The following GRB10 variants were observed in gnomAD, a reference collection of about 807,000 sequenced individuals.
GRB10 encodes the protein growth factor receptor-bound protein 10.
In GRB10, 20 loss-of-function variants were observed where a neutral mutation model predicts 80.9. The observed-to-expected ratio is 0.25, with a 90% CI of 0.17 to 0.36. The LOEUF is 0.36. Among genes scored for constraint, GRB10 ranks in the 10% least tolerant of loss-of-function variants. The probability of loss-of-function intolerance (pLI) is 1.00; values close to 1 mark genes in which losing one functional copy is unlikely to be tolerated. For synonymous variants in GRB10, 291 were observed against 291.5 expected (o/e 1.00, Z 0.02); for missense variants, 548 against 747.7 (o/e 0.73, Z 3.12).
chr7:50,605,447 A>C, intron 14 of GRB10, 41 bp from the exon 15 acceptor site: 1 of 1,477,498 alleles, frequency 6.8e-7, no homozygotes, highest in South Asian at 1.1e-5. Context: ...GCAGGGAAAT[A>C]AGGCAGAGTG....
chr7:50,749,024 C>G (rs931501348), intron 3 of GRB10, among the ~76,000 whole-genome samples: 1 of 152,060 alleles, frequency 6.6e-6, no homozygotes, highest in Non-Finnish European at 1.5e-5. Flanking sequence ...ACTCTACAAT[C>G]TAGAGGATGC....
At chr7:50,672,856 C>T (rs1462068312) in intron 6 of GRB10, among the ~76,000 whole-genome samples, 1 of 152,212 alleles carries the variant, frequency 6.6e-6, no homozygotes, top group East Asian at 1.9e-4. Flanking sequence ...GACTTAACTC[C>T]TCAGGAGCTA....
chr7:50,635,888 TA>T (rs975557193), intron 7 of GRB10, among the ~76,000 whole-genome samples: 2 of 97,136 alleles, frequency 2.1e-5, no homozygotes, highest in Non-Finnish European at 4.1e-5. Context: ...TCAGTAATTA[TA>T]AAAATCTTCC....
intron 7 of GRB10, among the ~76,000 whole-genome samples, chr7:50,628,153 C>T (rs936399751): frequency 1.3e-5 from 2 of 152,236 alleles, no homozygotes; most frequent in African/African-American, 4.8e-5. Flanking sequence ...TGAAATCACA[C>T]ACAGGCAGCT....
chr7:50,696,353 T>C (rs1447533670), intron 5 of GRB10, among the ~76,000 whole-genome samples: 1 of 152,238 alleles, frequency 6.6e-6, no homozygotes, highest in Admixed American at 6.5e-5. Flanking sequence ...TCCTGTGCTT[T>C]ACAGACGCCT....
At chr7:50,684,232 G>A (rs1402937215) in intron 5 of GRB10, among the ~76,000 whole-genome samples, 1 of 123,890 alleles carries the variant, frequency 8.1e-6, no homozygotes, top group Non-Finnish European at 1.6e-5. Context: ...AATGCAGATA[G>A]CCTGGCGGCC....
chr7:50,626,768 T>C (rs1435428239), intron 8 of GRB10, 54 bp downstream of exon 8: 8 of 1,604,002 alleles, frequency 5.0e-6, no homozygotes, highest in Non-Finnish European at 6.8e-6. Flanking sequence ...GCAGTCTTCA[T>C]TCAATTGCAC....
chr7:50,710,862 A>C (rs2065782240), intron 4 of GRB10: 9 of 1,612,644 alleles, frequency 5.6e-6, no homozygotes, highest in Admixed American at 1.7e-5. Context: ...TTCGGTAGAC[A>C]GCGGGCACTG....
chr7:50,608,782 T>C (rs116887855), intron 13 of GRB10, among the ~76,000 whole-genome samples: 12,617 of 152,066 alleles, frequency 0.083, 796 homozygotes, highest in South Asian at 0.13. Flanking sequence ...CTAGGCAACA[T>C]GGCAAAACCC....
intron 4 of GRB10, among the ~76,000 whole-genome samples, chr7:50,720,154 G>C (rs1025285231): frequency 5.3e-5 from 8 of 152,042 alleles, no homozygotes; most frequent in African/African-American, 1.9e-4. Flanking sequence ...TTCAGTAAGA[G>C]GAAAAACTAA....
chr7:50,608,688 G>C (rs1757651038), intron 13 of GRB10, among the ~76,000 whole-genome samples: 1 of 152,168 alleles, frequency 6.6e-6, no homozygotes, highest in South Asian at 2.1e-4. Context: ...TGTTAGGCCG[G>C]GCGCGGTGGT....
intron 14 of GRB10, 81 bp downstream of exon 14, chr7:50,606,256 G>T: frequency 9.1e-7 from 1 of 1,097,340 alleles, no homozygotes; most frequent in Non-Finnish European, 1.4e-6. Flanking sequence ...TGCCCACCCT[G>T]TGTGAAATGA....
chr7:50,609,399 A>T (rs2049112131), intron 13 of GRB10, among the ~76,000 whole-genome samples: 1 of 152,240 alleles, frequency 6.6e-6, no homozygotes, highest in Non-Finnish European at 1.5e-5. Context: ...TTGCTAATAA[A>T]GCATATTTTA....
chr7:50,704,055 T>C, intron 4 of GRB10, 147 bp from the exon 5 acceptor site: 1 of 648,212 alleles, frequency 1.5e-6, no homozygotes, highest in South Asian at 1.5e-5. Context: ...TCAATGATAG[T>C]TGTTGAAAAC....
intron 4 of GRB10, among the ~76,000 whole-genome samples, chr7:50,715,145 G>A (rs376549955): frequency 2.3e-3 from 345 of 151,832 alleles, no homozygotes; most frequent in African/African-American, 6.7e-3. Context: ...AGAAGCTGGA[G>A]GCGGAATGAG....
At chr7:50,650,883 T>C (rs910298825) in intron 7 of GRB10, among the ~76,000 whole-genome samples, 1 of 152,194 alleles carries the variant, frequency 6.6e-6, no homozygotes, top group Non-Finnish European at 1.5e-5. Flanking sequence ...AGAGGAGACT[T>C]ACCTTTTTCT....
At chr7:50,650,372 C>A (rs908770157) in intron 7 of GRB10, among the ~76,000 whole-genome samples, 1 of 152,134 alleles carries the variant, frequency 6.6e-6, no homozygotes, top group Admixed American at 6.5e-5. Flanking sequence ...GGGAGTCAAG[C>A]AGCTGGTCCT....
Position 50,669,876 on chromosome 7 carries a change from G to A in GRB10, c.363-13C>T, listed in dbSNP as rs926300618. 6.2e-7 allele frequency: 1 copy of A among 1,605,308 alleles called. No homozygotes were observed. Among genetic ancestry groups the A allele is most frequent in the Non-Finnish European group, 8.5e-7 (1 of 1,175,638 alleles). ...CTCCTGAAGGCGCCTGGAAGGCAGG[G>A]ATAAGTGCCTGTTAAAAGCTGCCAT... On this transcript the variant is annotated splice_polypyrimidine_tract_variant and intron_variant, in intron 6 of 18. Coordinates refer to ENST00000401949, the MANE Select transcript of GRB10 (RefSeq NM_001350814.2).
Position 50,614,797 on chromosome 7 carries a change from G to A in GRB10, c.1068C>T (p.Ala356=). The part of the protein sequence containing the change: ...SLIAGRKQYN[A]PTDHGLCIKP... ...TTATGCAGAGCCCGTGGTCTGTAGG[G>A]GCGTTGTACTGCTTCCTGCCAGCGA... is the stretch of plus-strand genomic sequence containing the variant. Residue 356 remains alanine (A), a synonymous_variant, in exon 12 of 19, where the codon GCC becomes GCT. Transcript: ENST00000401949. The A allele has an allele frequency of 1.2e-6, 2 of 1,613,880 alleles. No homozygotes were observed. Among genetic ancestry groups the A allele is most frequent in the Non-Finnish European group, 1.7e-6 (2 of 1,179,800 alleles).
Sources: allele counts gnomAD v4.1 joint callset (sites outside exome capture counted in the v4.1 genomes callset), GRCh38; gene constraint gnomAD v4.1.1; transcripts MANE v1.5; gene names NCBI Gene and HGNC (gene_info 2026-07-23, HGNC 2026-07-21).